LDLRAD3: variants seen among roughly 807,000 people sequenced by gnomAD.
LDLRAD3 encodes the protein low density lipoprotein receptor class A domain containing 3, also known as low-density lipoprotein receptor class A domain-containing protein 3.
Under a neutral mutation model 29.4 loss-of-function variants are expected in LDLRAD3, and 20 were observed. The observed-to-expected ratio is 0.68, with a 90% CI of 0.48 to 0.99. The LOEUF is 0.99. LDLRAD3 is among the 50% of genes least tolerant of loss of function. The pLI, the probability that LDLRAD3 is intolerant of heterozygous loss-of-function variation, is 0.00. For synonymous variants in LDLRAD3, 157 were observed against 192.7 expected, an observed-to-expected ratio of 0.81 and a Z score of 1.53; for missense variants, 420 against 454.3, an observed-to-expected ratio of 0.92 and a Z score of 0.69.
At chr11:36,220,485 A>T (rs570742394) in intron 4 of LDLRAD3, among the ~76,000 whole-genome samples, 2 of 152,378 alleles carry the variant, frequency 1.3e-5, no homozygotes, top group South Asian at 4.1e-4. Flanking sequence ...GACAAAAAGG[A>T]ATGAAATATT....
At chr11:36,155,845 A>C (rs1388916475) in intron 4 of LDLRAD3, among the ~76,000 whole-genome samples, 1 of 152,068 alleles carries the variant, frequency 6.6e-6, no homozygotes, top group Non-Finnish European at 1.5e-5. Context: ...CCTCTGTTGG[A>C]GCCTAGTCTT....
At chr11:36,204,852 C>CT (rs1855183472) in intron 4 of LDLRAD3, among the ~76,000 whole-genome samples, 1 of 152,132 alleles carries the variant, frequency 6.6e-6, no homozygotes, top group South Asian at 2.1e-4. Context: ...TTTTCCTAAG[C>CT]TATCATTTCA....
At chr11:36,088,179 G>C (rs548605588) in intron 3 of LDLRAD3, among the ~76,000 whole-genome samples, 1 of 152,006 alleles carries the variant, frequency 6.6e-6, no homozygotes, top group South Asian at 2.1e-4. Flanking sequence ...TTTTCTTTTA[G>C]AGCTTCACAA....
intron 1 of LDLRAD3, among the ~76,000 whole-genome samples, chr11:35,999,612 T>TA (rs1851798290): frequency 6.6e-6 from 1 of 152,166 alleles, no homozygotes; most frequent in Non-Finnish European, 1.5e-5. Flanking sequence ...ATCCCAAGTC[T>TA]CCCTCACGCT....
chr11:35,966,286 G>A (rs1479986920), intron 1 of LDLRAD3, among the ~76,000 whole-genome samples: 4 of 152,106 alleles, frequency 2.6e-5, no homozygotes, highest in African/African-American at 9.7e-5. Flanking sequence ...TTAGCCAGAC[G>A]TGGTGGTATG....
Position 36,108,602 on chromosome 11 carries a change from A to T in LDLRAD3, c.454+10141A>T, listed in dbSNP as rs117298149. 5.2e-3 allele frequency among the ~76,000 whole-genome samples: 791 copies of T among 152,100 alleles called. 1 individual carries two copies. The highest frequency in any genetic ancestry group is 7.8e-3 in the Non-Finnish European group (533 of 68,002). ...CTCAAGACAAGATGCTGAAGTTGAA[A>T]CCAGAAGGATGGGGAAGAGTTACTG... On this transcript the variant is annotated intron_variant, in intron 4 of 5. Transcript: ENST00000315571.
chr11:36,017,928 G>T (rs1329069685), intron 1 of LDLRAD3, among the ~76,000 whole-genome samples: 1 of 152,148 alleles, frequency 6.6e-6, no homozygotes, highest in African/African-American at 2.4e-5. Flanking sequence ...GCTGTTCTGG[G>T]TGCACCAGTT....
intron 1 of LDLRAD3, among the ~76,000 whole-genome samples, chr11:35,977,344 CG>C (rs1271560441): frequency 6.6e-6 from 1 of 152,144 alleles, no homozygotes; most frequent in Admixed American, 6.5e-5. Context: ...TTGGCCAAAA[CG>C]CAGCCACATT....
chr11:36,021,040 T>C (rs1357039353), intron 1 of LDLRAD3, among the ~76,000 whole-genome samples: 1 of 152,136 alleles, frequency 6.6e-6, no homozygotes, highest in Admixed American at 6.5e-5. Context: ...TTGGTGGTTC[T>C]ACCAGCTGAG....
chr11:36,086,946 C>T (rs1022116677), intron 3 of LDLRAD3, among the ~76,000 whole-genome samples: 2 of 152,136 alleles, frequency 1.3e-5, no homozygotes, highest in African/African-American at 2.4e-5. Flanking sequence ...CAAAGGAATA[C>T]GCATCACCAT....
intron 2 of LDLRAD3, among the ~76,000 whole-genome samples, chr11:36,058,068 G>A (rs1181336079): frequency 6.6e-6 from 1 of 152,212 alleles, no homozygotes; most frequent in African/African-American, 2.4e-5. Context: ...TTAGTAATAA[G>A]TAGTAGGAAT....
intron 4 of LDLRAD3, among the ~76,000 whole-genome samples, chr11:36,119,888 A>G (rs1853728616): frequency 6.6e-6 from 1 of 152,184 alleles, no homozygotes; most frequent in Non-Finnish European, 1.5e-5. Context: ...TTAATGTCAT[A>G]TCTAAAAACC....
intron 4 of LDLRAD3, among the ~76,000 whole-genome samples, chr11:36,118,303 G>A (rs1302558656): frequency 6.6e-6 from 1 of 152,120 alleles, no homozygotes; most frequent in Non-Finnish European, 1.5e-5. Context: ...CAAGAACTGC[G>A]AATGGGAACC....
At chr11:36,146,001 A>AT (rs1412894699) in intron 4 of LDLRAD3, among the ~76,000 whole-genome samples, 3 of 132,842 alleles carry the variant, frequency 2.3e-5, no homozygotes, top group Admixed American at 7.2e-5. Flanking sequence ...AGAATGATCA[A>AT]TAAAAAAAAG....
At chr11:36,085,484 CTAT>C (rs1459912453) in intron 3 of LDLRAD3, among the ~76,000 whole-genome samples, 1 of 151,950 alleles carries the variant, frequency 6.6e-6, no homozygotes, top group East Asian at 1.9e-4. Context: ...ACATGTTCAG[CTAT>C]TATTTCTTCA....
chr11:35,960,535 A>T (rs1229947041), intron 1 of LDLRAD3, among the ~76,000 whole-genome samples: 1 of 152,176 alleles, frequency 6.6e-6, no homozygotes, highest in Non-Finnish European at 1.5e-5. Flanking sequence ...AACATTTGGA[A>T]TTTAGAGTTT....
chr11:36,095,844 G>A (rs1036974124), intron 3 of LDLRAD3, among the ~76,000 whole-genome samples: 3 of 152,210 alleles, frequency 2.0e-5, no homozygotes, highest in African/African-American at 7.2e-5. Flanking sequence ...GGTTACTGAT[G>A]TTTTGGTTGC....
At chr11:36,007,545 C>G (rs1851900358) in intron 1 of LDLRAD3, among the ~76,000 whole-genome samples, 1 of 152,172 alleles carries the variant, frequency 6.6e-6, no homozygotes. Flanking sequence ...GAAGGCAGTC[C>G]TGAGGCTTGC....
chr11:36,133,845 A>G (rs1406594798), intron 4 of LDLRAD3, among the ~76,000 whole-genome samples: 3 of 151,956 alleles, frequency 2.0e-5, no homozygotes, highest in Non-Finnish European at 4.4e-5. Flanking sequence ...CCCATTTTCT[A>G]CATCGAAGGA....
Sources: allele counts gnomAD v4.1 joint callset (sites outside exome capture counted in the v4.1 genomes callset), GRCh38; gene constraint gnomAD v4.1.1; transcripts MANE v1.5; gene names NCBI Gene and HGNC (gene_info 2026-07-23, HGNC 2026-07-21).